Variants in ZHX3 observed in about 807,000 individuals in gnomAD.
ZHX3 encodes zinc fingers and homeoboxes 3, also known as zinc fingers and homeoboxes protein 3.
ZHX3 carries 20 observed loss-of-function variants against 64.5 expected under a neutral mutation model. That is an observed-to-expected ratio of 0.31 (90% CI 0.22 to 0.45). The LOEUF is 0.45. ZHX3 is among the 20% of genes least tolerant of loss of function. The probability of loss-of-function intolerance (pLI) is 1.00; values close to 1 mark genes in which losing one functional copy is unlikely to be tolerated. For synonymous variants in ZHX3, 423 were observed against 461.6 expected (o/e 0.92, Z 1.07); for missense variants, 1,041 against 1,195.8 (o/e 0.87, Z 1.91).
chr20:41,256,675 C>T (rs1345508023), intron 2 of ZHX3, among the ~76,000 whole-genome samples: 1 of 149,796 alleles, frequency 6.7e-6, no homozygotes, highest in Non-Finnish European at 1.5e-5. Context: ...GAATGTCTGC[C>T]CCAGGCCAAT....
At chr20:41,192,886 C>T (rs773049617) in intron 3 of ZHX3, among the ~76,000 whole-genome samples, 1 of 152,188 alleles carries the variant, frequency 6.6e-6, no homozygotes, top group Non-Finnish European at 1.5e-5. Flanking sequence ...GAGGAGCTCT[C>T]CCGTGGCTAG....
At chr20:41,191,982 G>A (rs1265883852) in intron 3 of ZHX3, among the ~76,000 whole-genome samples, 3 of 152,160 alleles carry the variant, frequency 2.0e-5, no homozygotes, top group South Asian at 2.1e-4. Flanking sequence ...GGGCTTTCGG[G>A]TGGCTTACTC....
At chr20:41,273,152 C>T (rs2043224812) in intron 1 of ZHX3, among the ~76,000 whole-genome samples, 1 of 152,094 alleles carries the variant, frequency 6.6e-6, no homozygotes, top group Non-Finnish European at 1.5e-5. Context: ...GAAATCTTTT[C>T]ATATGTTTCT....
At position 41,201,382 on chromosome 20, in the gene ZHX3, A is replaced by G; in HGVS notation, c.2860+675T>C. 1 of 1,304,458 alleles carries G rather than the reference A, an allele frequency of 7.7e-7. No individual in the cohort carries two copies. Among genetic ancestry groups the G allele is most frequent in the Non-Finnish European group, 1.0e-6 (1 of 988,832 alleles). The allele number at this position is 1,304,458 out of a possible 1,614,324, so 80.8% of individuals were successfully genotyped here. ...AGAGGCTGGGAACTCAGTGACCAGG[A>G]ACCTAGAAAATCAACACGTAATAAC... is the stretch of plus-strand genomic sequence containing the variant. On this transcript the variant is annotated intron_variant, in intron 3 of 3. Coordinates refer to ENST00000683867, the MANE Select transcript of ZHX3 (RefSeq NM_001384317.1). This position sits in a 1 kb window ranked among gnomAD's most constrained non-coding sequence, Gnocchi z 5.0.
chr20:41,233,154 C>T (rs945915385), intron 2 of ZHX3, among the ~76,000 whole-genome samples: 4 of 152,212 alleles, frequency 2.6e-5, no homozygotes, highest in South Asian at 2.1e-4. Context: ...CTAGCTGGCA[C>T]ATGACCATGC....
chr20:41,282,734 C>T (rs181019364), intron 1 of ZHX3, among the ~76,000 whole-genome samples: 121 of 152,216 alleles, frequency 7.9e-4, no homozygotes, highest in African/African-American at 2.7e-3. Context: ...AACCCAGGTA[C>T]GTTGCATGAA....
chr20:41,296,553 T>C (rs1355598427), intron 1 of ZHX3, among the ~76,000 whole-genome samples: 1 of 152,222 alleles, frequency 6.6e-6, no homozygotes, highest in African/African-American at 2.4e-5. Flanking sequence ...TCATCCTTTT[T>C]TCCCCACCTT....
intron 2 of ZHX3, among the ~76,000 whole-genome samples, chr20:41,262,570 C>T (rs1010390011): frequency 6.6e-6 from 1 of 152,196 alleles, no homozygotes; most frequent in Non-Finnish European, 1.5e-5. Flanking sequence ...TCTCTGTATC[C>T]AGTACACCTG....
At chr20:41,217,559 A>T (rs1269567066) in intron 2 of ZHX3, among the ~76,000 whole-genome samples, 2 of 152,222 alleles carry the variant, frequency 1.3e-5, no homozygotes, top group Admixed American at 1.3e-4. Context: ...AACAAAAATC[A>T]GATGCAGCCA....
At chr20:41,287,498 A>C (rs969033185) in intron 1 of ZHX3, among the ~76,000 whole-genome samples, 2 of 152,220 alleles carry the variant, frequency 1.3e-5, no homozygotes, top group Admixed American at 6.5e-5. Flanking sequence ...CATTTCTAAC[A>C]AATACAGCAG....
At chr20:41,227,182 G>A (rs2040322681) in intron 2 of ZHX3, among the ~76,000 whole-genome samples, 1 of 152,066 alleles carries the variant, frequency 6.6e-6, no homozygotes, top group African/African-American at 2.4e-5. Context: ...TCACATTATT[G>A]TCCTGGGGTG....
chr20:41,214,233 T>C (rs1038219708), intron 2 of ZHX3, among the ~76,000 whole-genome samples: 1 of 152,228 alleles, frequency 6.6e-6, no homozygotes, highest in African/African-American at 2.4e-5. Flanking sequence ...CCACAGCCAG[T>C]GTTTACTGAG....
intron 2 of ZHX3, among the ~76,000 whole-genome samples, chr20:41,256,022 G>C (rs1394431880): frequency 6.6e-6 from 1 of 152,162 alleles, no homozygotes; most frequent in Non-Finnish European, 1.5e-5. Context: ...TCAAAATTAT[G>C]TAAATTAAAT....
At chr20:41,315,233 A>G (rs959293984) in intron 1 of ZHX3, among the ~76,000 whole-genome samples, 2 of 148,590 alleles carry the variant, frequency 1.3e-5, no homozygotes, top group Non-Finnish European at 3.0e-5. Flanking sequence ...CCCAGGCTGG[A>G]GTGCGGTGGT....
Position 41,184,238 on chromosome 20 carries a change from C to T in ZHX3, c.*953G>A, listed in dbSNP as rs1226509656. The stretch of plus-strand genomic sequence containing the variant: ...TGTGGAGAAAGGGCTCTGAAAACCG[C>T]AGTGGTCAAAGCTTCAGGCTGTGGC... On this transcript the variant is annotated 3_prime_UTR_variant, in exon 4 of 4. Transcript: ENST00000683867. 2.0e-5 allele frequency: 3 copies of T among 152,274 alleles called. No homozygotes were observed. Among genetic ancestry groups the T allele is most frequent in the Non-Finnish European group, 2.9e-5 (2 of 68,120 alleles). The allele number at this position is 152,274 out of a possible 1,614,324, so 9.4% of individuals were successfully genotyped here. A position where few individuals can be genotyped will look rare whatever the true frequency, so the allele number is the denominator to read the frequency against.
chr20:41,190,835 T>C (rs2036955564), intron 3 of ZHX3, among the ~76,000 whole-genome samples: 1 of 152,192 alleles, frequency 6.6e-6, no homozygotes, highest in African/African-American at 2.4e-5. Flanking sequence ...TTACTTTTTT[T>C]CCCCTTCAGC....
chr20:41,227,410 A>G (rs748483710), intron 2 of ZHX3, among the ~76,000 whole-genome samples: 1 of 152,124 alleles, frequency 6.6e-6, no homozygotes, highest in Non-Finnish European at 1.5e-5. Context: ...TGCAAAATAT[A>G]AAACTCCAAC....
At chr20:41,275,801 A>G (rs117237123) in intron 1 of ZHX3, among the ~76,000 whole-genome samples, 36 of 152,300 alleles carry the variant, frequency 2.4e-4, no homozygotes, top group Admixed American at 1.2e-3. Context: ...AGTGTCTTCA[A>G]CACGCTAACT....
intron 1 of ZHX3, among the ~76,000 whole-genome samples, chr20:41,300,771 C>T (rs1351626347): frequency 6.6e-6 from 1 of 152,114 alleles, no homozygotes; most frequent in Non-Finnish European, 1.5e-5. Context: ...GGAGGACCAA[C>T]TGGAAACCCA....
Sources: gnomAD v4.1 joint callset for allele counts (sites outside exome capture counted in the v4.1 genomes callset) on GRCh38, gnomAD v4.1.1 for gene constraint, Gnocchi (gnomAD v3.1) non-coding constraint, MANE v1.5 for transcripts, NCBI Gene and HGNC (gene_info 2026-07-23, HGNC 2026-07-21) for gene names.